Variants in CADM2 observed in about 807,000 individuals in gnomAD.
CADM2 encodes immunoglobulin superfamily member 4D.
A neutral mutation model predicts 49.8 loss-of-function variants in CADM2; 12 were observed. The observed-to-expected ratio is 0.24, with a 90% CI of 0.15 to 0.39. The LOEUF is 0.39. CADM2 is among the 10% of genes least tolerant of loss of function. CADM2 has a pLI of 1.00. For synonymous variants in CADM2, 214 were observed against 175.4 expected (o/e 1.22, Z -1.74); for missense variants, 378 against 492.3 (o/e 0.77, Z 2.20).
In CADM2 at chr3:85,983,304, T is replaced by A. The variant is rs1391790698; in HGVS notation, c.970+21657T>A. Among the ~76,000 whole-genome samples the A allele has an allele frequency of 6.6e-5, 10 of 151,694 alleles. No individual in the cohort carries two copies. The Admixed American group carries it at 6.6e-4, about 10-fold the overall frequency. ...GAATAAAAACAGGCAATTAGTATCT[T>A]ATTACAAATAAGGATGTTAAAACAC... On this transcript the variant is annotated intron_variant, in intron 8 of 9. Coordinates refer to ENST00000383699, the MANE Select transcript of CADM2 (RefSeq NM_001167675.2).
At chr3:85,708,355 AC>A (rs2067011308) in intron 1 of CADM2, among the ~76,000 whole-genome samples, 1 of 152,302 alleles carries the variant, frequency 6.6e-6, no homozygotes, top group Non-Finnish European at 1.5e-5. Flanking sequence ...AATGAAGAGT[AC>A]AGCAGTCTGA....
intron 8 of CADM2, among the ~76,000 whole-genome samples, chr3:86,055,792 T>C (rs572910316): frequency 1.3e-5 from 2 of 152,248 alleles, no homozygotes; most frequent in African/African-American, 4.8e-5. Flanking sequence ...AGCAGATTCA[T>C]TATAAACTGA....
chr3:85,157,534 C>T (rs1245629755), intron 1 of CADM2, among the ~76,000 whole-genome samples: 14 of 151,952 alleles, frequency 9.2e-5, no homozygotes, highest in East Asian at 7.7e-4. Flanking sequence ...GAAATAATGC[C>T]GCATATCTAC....
At chr3:85,775,911 G>T (rs1048241634) in intron 2 of CADM2, among the ~76,000 whole-genome samples, 5 of 151,706 alleles carry the variant, frequency 3.3e-5, no homozygotes, top group African/African-American at 9.7e-5. Context: ...TTTTATTAAA[G>T]GATTTTTAGA....
intron 6 of CADM2, among the ~76,000 whole-genome samples, chr3:85,926,655 T>A (rs1255591422): frequency 6.8e-6 from 1 of 146,806 alleles, no homozygotes; most frequent in Non-Finnish European, 1.5e-5. Flanking sequence ...TATCGGGAGG[T>A]TTTTTTTTTA....
At chr3:85,024,940 AAT>A (rs1319099028) in intron 1 of CADM2, among the ~76,000 whole-genome samples, 8 of 152,022 alleles carry the variant, frequency 5.3e-5, no homozygotes, top group African/African-American at 1.9e-4. Flanking sequence ...TTAAGGCGTC[AAT>A]ATGTTTTAGT....
chr3:85,671,766 C>A (rs188853418), intron 1 of CADM2, among the ~76,000 whole-genome samples: 2 of 152,214 alleles, frequency 1.3e-5, no homozygotes, highest in East Asian at 1.9e-4. Context: ...TTTATGCACA[C>A]CTCTGTTTAA....
intron 1 of CADM2, among the ~76,000 whole-genome samples, chr3:85,374,101 G>C (rs1390490972): frequency 1.3e-5 from 2 of 151,948 alleles, no homozygotes; most frequent in Non-Finnish European, 2.9e-5. Context: ...GCATCATCAG[G>C]CTGCAAATCT....
intron 1 of CADM2, among the ~76,000 whole-genome samples, chr3:85,645,668 A>G (rs1204886247): frequency 6.6e-6 from 1 of 151,996 alleles, no homozygotes; most frequent in Non-Finnish European, 1.5e-5. Context: ...TAAAATAATG[A>G]AATGTTTGTT....
intron 1 of CADM2, among the ~76,000 whole-genome samples, chr3:85,076,268 A>T (rs1227463760): frequency 6.6e-6 from 1 of 151,262 alleles, no homozygotes; most frequent in African/African-American, 2.4e-5. Flanking sequence ...GATTCTAGCC[A>T]CTGAACTACT....
At chr3:84,962,266 G>A (rs1184398205) in intron 1 of CADM2, among the ~76,000 whole-genome samples, 11 of 149,870 alleles carry the variant, frequency 7.3e-5, no homozygotes, top group Admixed American at 1.3e-4. Context: ...AAAGAGATAC[G>A]AGGATTTAAA....
intron 3 of CADM2, among the ~76,000 whole-genome samples, chr3:85,824,879 A>G (rs1167444952): frequency 1.3e-5 from 2 of 152,052 alleles, no homozygotes; most frequent in Non-Finnish European, 2.9e-5. Flanking sequence ...TATTGGCAAT[A>G]AACTGGTTTA....
intron 8 of CADM2, among the ~76,000 whole-genome samples, chr3:86,010,472 G>T (rs1022984934): frequency 5.0e-4 from 75 of 151,150 alleles, no homozygotes; most frequent in Non-Finnish European, 1.0e-3. Context: ...AAATTTTAAT[G>T]GCAATATAAT....
chr3:85,491,687 C>T (rs2039679629), intron 1 of CADM2, among the ~76,000 whole-genome samples: 1 of 152,082 alleles, frequency 6.6e-6, no homozygotes, highest in Admixed American at 6.6e-5. Flanking sequence ...CACGGTGGCT[C>T]ACACCTGTAA....
At chr3:85,183,793 A>G (rs958842817) in intron 1 of CADM2, among the ~76,000 whole-genome samples, 1 of 152,156 alleles carries the variant, frequency 6.6e-6, no homozygotes, top group African/African-American at 2.4e-5. Context: ...ACATAGCTCC[A>G]GAATAAGGAA....
At chr3:84,974,242 T>G (rs910688301) in intron 1 of CADM2, among the ~76,000 whole-genome samples, 3 of 151,774 alleles carry the variant, frequency 2.0e-5, no homozygotes, top group African/African-American at 7.2e-5. Context: ...TGTATATATA[T>G]ATATATACTT....
chr3:86,028,814 G>A (rs562975012), intron 8 of CADM2, among the ~76,000 whole-genome samples: 114 of 152,260 alleles, frequency 7.5e-4, no homozygotes, highest in Non-Finnish European at 1.3e-3. Context: ...TCTGTAAAAT[G>A]AGGTGATAAT....
intron 1 of CADM2, among the ~76,000 whole-genome samples, chr3:85,266,485 G>A (rs1485736387): frequency 3.3e-5 from 5 of 151,754 alleles, no homozygotes; most frequent in Admixed American, 2.0e-4. Context: ...TAATCATAGT[G>A]TACCAATACT....
intron 2 of CADM2, among the ~76,000 whole-genome samples, chr3:85,768,720 A>G (rs2107933819): frequency 6.9e-6 from 1 of 144,560 alleles, no homozygotes; most frequent in East Asian, 2.0e-4. Flanking sequence ...ATACACACAT[A>G]TAGTATATAT....
Sources: gnomAD v4.1 joint callset for allele counts (sites outside exome capture counted in the v4.1 genomes callset) on GRCh38, gnomAD v4.1.1 for gene constraint, MANE v1.5 for transcripts, NCBI Gene and HGNC (gene_info 2026-07-23, HGNC 2026-07-21) for gene names.